Variants in SPOCK3 observed in about 807,000 individuals in gnomAD.
SPOCK3 encodes SPARC (osteonectin), cwcv and kazal like domains proteoglycan 3, also known as testican-3.
A neutral mutation model predicts 56.6 loss-of-function variants in SPOCK3; 30 were observed. The observed-to-expected ratio is 0.53, with a 90% CI of 0.40 to 0.72. The LOEUF (loss-of-function observed/expected upper bound fraction) is 0.72, where lower values mean the gene tolerates loss of function less well. Among genes scored for constraint, SPOCK3 ranks in the 30% least tolerant of loss-of-function variants. SPOCK3 has a pLI of 0.00. For missense variants in SPOCK3, 527 were observed against 530.0 expected, an observed-to-expected ratio of 0.99 and a Z score of 0.06; for synonymous variants, 196 against 183.3, an observed-to-expected ratio of 1.07 and a Z score of -0.56.
At chr4:167,173,236 A>G (rs1730665198) in intron 2 of SPOCK3, among the ~76,000 whole-genome samples, 1 of 152,144 alleles carries the variant, frequency 6.6e-6, no homozygotes, top group Non-Finnish European at 1.5e-5. Context: ...ACACAAAGTG[A>G]AATATCTCTG....
intron 4 of SPOCK3, among the ~76,000 whole-genome samples, chr4:166,967,496 G>T (rs1201403265): frequency 6.6e-6 from 1 of 152,078 alleles, no homozygotes; most frequent in Non-Finnish European, 1.5e-5. Flanking sequence ...CATAAGATCT[G>T]GTTGTTTAAA....
At chr4:167,013,814 T>C (rs142468140) in intron 3 of SPOCK3, among the ~76,000 whole-genome samples, 3 of 152,154 alleles carry the variant, frequency 2.0e-5, no homozygotes, top group African/African-American at 7.2e-5. Context: ...CCCCTAACCA[T>C]CCTAAACCTA....
intron 3 of SPOCK3, among the ~76,000 whole-genome samples, chr4:167,052,975 G>A (rs925567665): frequency 6.6e-6 from 1 of 152,106 alleles, no homozygotes; most frequent in African/African-American, 2.4e-5. Context: ...ACTATGAACA[G>A]CTCTGTTCAC....
At chr4:166,858,767 CAA>C (rs1291624108) in intron 6 of SPOCK3, among the ~76,000 whole-genome samples, 1 of 152,082 alleles carries the variant, frequency 6.6e-6, no homozygotes, top group Non-Finnish European at 1.5e-5. Context: ...AAAAATGTAA[CAA>C]TATTTTTAAA....
intron 2 of SPOCK3, among the ~76,000 whole-genome samples, chr4:167,099,706 T>G (rs774549005): frequency 4.6e-5 from 7 of 152,120 alleles, no homozygotes; most frequent in African/African-American, 7.2e-5. Context: ...AATTTGTTAT[T>G]TTTTATACTT....
intron 3 of SPOCK3, among the ~76,000 whole-genome samples, chr4:167,054,594 G>A (rs1754583596): frequency 6.6e-6 from 1 of 152,156 alleles, no homozygotes; most frequent in African/African-American, 2.4e-5. Context: ...CCAATATATT[G>A]TTGGTATTGG....
intron 7 of SPOCK3, among the ~76,000 whole-genome samples, chr4:166,765,473 G>C (rs1019456238): frequency 1.3e-5 from 2 of 152,060 alleles, no homozygotes; most frequent in Non-Finnish European, 2.9e-5. Flanking sequence ...TTTTTGTCAG[G>C]TTTGTCAAAG....
At chr4:166,778,191 TA>T (rs1260189426) in intron 7 of SPOCK3, among the ~76,000 whole-genome samples, 2 of 152,172 alleles carry the variant, frequency 1.3e-5, no homozygotes, top group Admixed American at 6.6e-5. Context: ...ATATTTACAA[TA>T]AAAAATTCAA....
At chr4:166,810,336 C>T (rs1029214370) in intron 6 of SPOCK3, among the ~76,000 whole-genome samples, 2 of 151,920 alleles carry the variant, frequency 1.3e-5, no homozygotes, top group African/African-American at 4.8e-5. Context: ...ATTTAATTTC[C>T]CTTTACATAC....
rs1579946584 is a variant in SPOCK3, at chr4:166,997,934, GATCA to G, written c.350+2411_350+2414del. On this transcript the variant is annotated intron_variant, in intron 4 of 10. Coordinates refer to ENST00000357545, the MANE Select transcript of SPOCK3 (RefSeq NM_001040159.2). ...TAAACTATGCAAATGGACAAAAATT[GATCA>G]ATTAAGCCGTCTTTCCCTGCTTTCT... 2.0e-5 allele frequency among the ~76,000 whole-genome samples: 3 copies of G among 152,172 alleles called. No homozygotes were observed. In the East Asian group the frequency reaches 5.8e-4, roughly 29 times the overall value.
At chr4:166,885,905 A>C (rs1734144740) in intron 6 of SPOCK3, among the ~76,000 whole-genome samples, 2 of 152,138 alleles carry the variant, frequency 1.3e-5, no homozygotes, top group Non-Finnish European at 2.9e-5. Context: ...TGAGTAAACC[A>C]ATGGAGCACT....
chr4:167,021,163 C>T (rs1205103034), intron 3 of SPOCK3, among the ~76,000 whole-genome samples: 2 of 151,978 alleles, frequency 1.3e-5, no homozygotes, highest in Non-Finnish European at 1.5e-5. Context: ...AATGCTCAGA[C>T]TTTTAAAAAT....
chr4:167,171,796 C>T (rs1730520278), intron 2 of SPOCK3, among the ~76,000 whole-genome samples: 1 of 151,792 alleles, frequency 6.6e-6, no homozygotes, highest in East Asian at 1.9e-4. Flanking sequence ...GCATCACTAT[C>T]ATGATTTCAT....
intron 3 of SPOCK3, among the ~76,000 whole-genome samples, chr4:167,048,698 T>C (rs1333652685): frequency 6.6e-6 from 1 of 152,202 alleles, no homozygotes. Flanking sequence ...TATTAATTCA[T>C]TTCTGATTAA....
At chr4:166,802,722 G>T (rs944532949) in intron 6 of SPOCK3, among the ~76,000 whole-genome samples, 6 of 152,034 alleles carry the variant, frequency 3.9e-5, no homozygotes, top group Non-Finnish European at 7.4e-5. Flanking sequence ...TGGAAGGTTA[G>T]CCTGGTAAAT....
intron 2 of SPOCK3, among the ~76,000 whole-genome samples, chr4:167,206,053 T>G (rs1160537368): frequency 1.3e-5 from 2 of 152,128 alleles, no homozygotes; most frequent in Non-Finnish European, 1.5e-5. Flanking sequence ...TAATTTTAGA[T>G]TTTTTAAAGA....
At chr4:166,953,696 C>A (rs1444859481) in intron 4 of SPOCK3, among the ~76,000 whole-genome samples, 3 of 152,146 alleles carry the variant, frequency 2.0e-5, no homozygotes, top group Non-Finnish European at 2.9e-5. Context: ...AAATGTCCAA[C>A]AATGATAGAC....
chr4:166,920,658 T>C (rs995118626), intron 4 of SPOCK3, among the ~76,000 whole-genome samples: 1 of 152,100 alleles, frequency 6.6e-6, no homozygotes, highest in Non-Finnish European at 1.5e-5. Context: ...ATTTTAAAAA[T>C]AGCAGTGACA....
Position 167,234,167 on chromosome 4 carries a change from T to G in SPOCK3, c.7A>C (p.Lys3Gln), listed in dbSNP as rs1380413108. Residue 3 changes from lysine (K) to glutamine (Q), a missense_variant, in exon 2 of 11, where the codon AAG becomes CAG. Physicochemically the swap from Lys to Gln is moderately conservative, Grantham distance 53 (BLOSUM62 1). Transcript: ENST00000357545. The stretch of plus-strand genomic sequence containing the variant: ...CACACACACAGTACGGCTGACACCT[T>G]GAGCATCTGGGAGAGGAGACACAAC... ML[K>Q]VSAVLCVCAA... 3 of 1,612,566 alleles carry G rather than the reference T, an allele frequency of 1.9e-6. No homozygotes were observed. Among genetic ancestry groups the G allele is most frequent in the Non-Finnish European group, 2.5e-6 (3 of 1,179,500 alleles).
Sources: allele counts gnomAD v4.1 joint callset (sites outside exome capture counted in the v4.1 genomes callset), GRCh38; gene constraint gnomAD v4.1.1; transcripts MANE v1.5; gene names NCBI Gene and HGNC (gene_info 2026-07-23, HGNC 2026-07-21).